GAS7: variants seen among roughly 807,000 people sequenced by gnomAD.
The protein encoded by GAS7 is growth arrest-specific protein 7.
A neutral mutation model predicts 71.1 loss-of-function variants in GAS7; 28 were observed. The observed-to-expected ratio is 0.39, with a 90% CI of 0.29 to 0.54. The LOEUF is 0.54. GAS7 is among the 20% of genes least tolerant of loss of function. The probability of loss-of-function intolerance (pLI) is 0.62; values close to 1 mark genes in which losing one functional copy is unlikely to be tolerated. For missense variants in GAS7, 436 were observed against 627.8 expected (o/e 0.69, Z 3.27); for synonymous variants, 258 against 245.8 (o/e 1.05, Z -0.46).
chr17:10,059,624 C>T (rs1277312385), intron 1 of GAS7: 4 of 918,160 alleles, frequency 4.4e-6, no homozygotes, highest in Non-Finnish European at 5.2e-6. Context: ...GCCTCGCACT[C>T]AACCTGGTCC....
chr17:10,130,088 G>C (rs1266447127), intron 1 of GAS7, among the ~76,000 whole-genome samples: 1 of 151,908 alleles, frequency 6.6e-6, no homozygotes, highest in Non-Finnish European at 1.5e-5. Context: ...AGAATCTCTT[G>C]GACCCGGGAG....
intron 1 of GAS7, chr17:10,059,847 T>C (rs943711587): frequency 1.4e-5 from 14 of 980,576 alleles, no homozygotes; most frequent in Non-Finnish European, 1.7e-5. Context: ...AGCATTAAAA[T>C]AGAGACTTGA....
At chr17:10,019,928 A>G (rs2072197153) in intron 1 of GAS7, 31 bp from the exon 2 acceptor site, 1 of 1,605,944 alleles carries the variant, frequency 6.2e-7, no homozygotes, top group Non-Finnish European at 8.5e-7. Flanking sequence ...GGTCACACCC[A>G]TTTGGCATTT....
chr17:10,003,816 A>T (rs1376487333), intron 2 of GAS7, among the ~76,000 whole-genome samples: 1 of 152,196 alleles, frequency 6.6e-6, no homozygotes, highest in Non-Finnish European at 1.5e-5. Flanking sequence ...GGCAGGTAGT[A>T]AACAACAGCA....
chr17:10,037,735 G>GT (rs1162240515), intron 1 of GAS7, among the ~76,000 whole-genome samples: 1 of 147,740 alleles, frequency 6.8e-6, no homozygotes, highest in East Asian at 2.0e-4. Flanking sequence ...GAGATTAAAG[G>GT]GGGTGGGGGT....
rs543283012 is a variant in GAS7 at position 9,974,534 on chromosome 17, T to C, written c.386-4772A>G. Among the ~76,000 whole-genome samples, 1 of 151,696 alleles carries C rather than the reference T, an allele frequency of 6.6e-6. No homozygotes were observed. The highest frequency in any genetic ancestry group is 1.9e-4 in the East Asian group (1 of 5,178). On this transcript the variant is annotated intron_variant, in intron 3 of 13. Transcript: ENST00000432992. This position sits in a 1 kb window ranked among gnomAD's most constrained non-coding sequence, Gnocchi z 4.0. ...TACAAGGAAAAAAAAAAAGCAAATGTCACACTCATCTGTTTTTAAGATTTT... is the reference window on the plus strand; with the variant it reads ...TACAAGGAAAAAAAAAAAGCAAATGCCACACTCATCTGTTTTTAAGATTTT...
chr17:9,991,611 G>A (rs2070846128), intron 2 of GAS7, among the ~76,000 whole-genome samples: 1 of 152,074 alleles, frequency 6.6e-6, no homozygotes, highest in South Asian at 2.1e-4. Context: ...GGAGTAGGGG[G>A]TGCTGCCTGG....
At chr17:9,958,984 T>TG in intron 5 of GAS7, 1 of 1,413,906 alleles carries the variant, frequency 7.1e-7, no homozygotes, top group South Asian at 1.5e-5. Flanking sequence ...TCCTTCCACT[T>TG]GTTCACCAGG....
In GAS7 at chr17:10,002,915, G is replaced by A. The variant is rs146171553; in HGVS notation, c.304+16862C>T. The stretch of plus-strand genomic sequence containing the variant: ...TAGCAGCATGATTCATAATTCTTTG[G>A]GTATATACCCAGCAATAGGATGGCT... On this transcript the variant is annotated intron_variant, in intron 2 of 13. Coordinates refer to ENST00000432992, the MANE Select transcript of GAS7 (RefSeq NM_201433.2). Among the ~76,000 whole-genome samples the A allele has an allele frequency of 1.4e-4, 22 of 152,194 alleles. 1 individual carries two copies. The highest frequency in any genetic ancestry group is 5.1e-4 in the African/African-American group (21 of 41,516).
At chr17:10,059,424 C>A (rs1363728056) in intron 1 of GAS7, among the ~76,000 whole-genome samples, 2 of 152,206 alleles carry the variant, frequency 1.3e-5, no homozygotes. Flanking sequence ...GATACTTCCC[C>A]TGCCCAAGTG....
intron 1 of GAS7, among the ~76,000 whole-genome samples, chr17:10,065,413 T>C (rs573909816): frequency 2.6e-5 from 4 of 152,316 alleles, no homozygotes; most frequent in African/African-American, 9.6e-5. Flanking sequence ...AATCAAGGTA[T>C]TGATAGGGCC....
chr17:10,013,250 C>T (rs992327418), intron 2 of GAS7, among the ~76,000 whole-genome samples: 2 of 152,176 alleles, frequency 1.3e-5, no homozygotes, highest in Non-Finnish European at 2.9e-5. Context: ...CCTGGACTTC[C>T]CATCCTCCTG....
intron 1 of GAS7, among the ~76,000 whole-genome samples, chr17:10,140,552 T>C (rs914201906): frequency 2.0e-5 from 3 of 152,256 alleles, no homozygotes; most frequent in Non-Finnish European, 4.4e-5. Context: ...TGTGTGTCTG[T>C]GGCTATATGC....
chr17:9,954,396 C>T (rs890861122), intron 5 of GAS7, among the ~76,000 whole-genome samples: 8 of 151,934 alleles, frequency 5.3e-5, no homozygotes, highest in Non-Finnish European at 1.2e-4. Context: ...GGGTGAGCAC[C>T]CCCACTACAG....
chr17:10,008,934 G>A (rs1260008310), intron 2 of GAS7, among the ~76,000 whole-genome samples: 1 of 152,134 alleles, frequency 6.6e-6, no homozygotes, highest in Non-Finnish European at 1.5e-5. Flanking sequence ...CCTTCTCAGA[G>A]GAACTTTTAT....
intron 5 of GAS7, among the ~76,000 whole-genome samples, chr17:9,950,757 G>A (rs988529647): frequency 1.3e-5 from 2 of 152,222 alleles, no homozygotes; most frequent in Admixed American, 1.3e-4. Flanking sequence ...TCGAGAGGCT[G>A]AGGCAGGAGA....
chr17:10,033,446 C>T (rs1047106494), intron 1 of GAS7, among the ~76,000 whole-genome samples: 1 of 152,158 alleles, frequency 6.6e-6, no homozygotes, highest in African/African-American at 2.4e-5. Flanking sequence ...CTGAGGAAAA[C>T]CCCAGAACCA....
chr17:9,993,084 T>C (rs1434239671), intron 2 of GAS7, among the ~76,000 whole-genome samples: 1 of 152,092 alleles, frequency 6.6e-6, no homozygotes, highest in Non-Finnish European at 1.5e-5. Flanking sequence ...TCTGTCTTTA[T>C]AGCAGCATGA....
intron 1 of GAS7, among the ~76,000 whole-genome samples, chr17:10,052,436 G>T (rs1456673625): frequency 2.0e-5 from 3 of 152,192 alleles, no homozygotes; most frequent in Admixed American, 2.0e-4. Flanking sequence ...GTCTAAGAGG[G>T]TGGGTAGGAA....
Sources: allele counts gnomAD v4.1 joint callset (sites outside exome capture counted in the v4.1 genomes callset), GRCh38; gene constraint gnomAD v4.1.1; non-coding constraint Gnocchi (gnomAD v3.1); transcripts MANE v1.5; gene names NCBI Gene and HGNC (gene_info 2026-07-23, HGNC 2026-07-21).